The following CNOT3 variants were observed in gnomAD, a reference collection of about 807,000 sequenced individuals.
The protein encoded by CNOT3 is CCR4-associated factor 3.
In CNOT3, 2 loss-of-function variants were observed where a neutral mutation model predicts 89.4. The ratio of observed to expected loss-of-function variants is 0.02; its 90% confidence interval spans 0.01 to 0.07. The LOEUF is 0.07. Among genes scored for constraint, CNOT3 ranks in the 10% least tolerant of loss-of-function variants. The pLI, the probability that CNOT3 is intolerant of heterozygous loss-of-function variation, is 1.00. For missense variants in CNOT3, 664 were observed against 1,010.2 expected (o/e 0.66, Z 4.65); for synonymous variants, 486 against 402.0 (o/e 1.21, Z -2.50).
intron 1 of CNOT3, chr19:54,142,534 C>T (rs1405562829): frequency 6.9e-6 from 2 of 291,920 alleles, no homozygotes; most frequent in African/African-American, 4.3e-5. Context: ...TGCCCAGCCC[C>T]TCTGAGTAGG....
chr19:54,143,492 A>C lies in CNOT3; in HGVS notation c.144A>C (p.Leu48=). The C allele has an allele frequency of 6.2e-7, 1 of 1,614,022 alleles. No homozygotes were observed. The highest frequency in any genetic ancestry group is 8.5e-7 in the Non-Finnish European group (1 of 1,180,012). ...ANQKEKYEAD[L]KKEIKKLQRL... ...AGAAAGAAAAGTATGAGGCTGACCTAAAGAAGGAGATTAAGAAGCTACAAG... is the reference window on the plus strand; with the variant it reads ...AGAAAGAAAAGTATGAGGCTGACCTCAAGAAGGAGATTAAGAAGCTACAAG... The change falls in exon 4 of 18, where the codon CTA becomes CTC. Residue 48 remains leucine, a synonymous_variant. Coordinates refer to ENST00000221232, the MANE Select transcript of CNOT3 (RefSeq NM_014516.4).
chr19:54,150,569 T>TGTCCAGGCTGTCCAGGAGGCAGTGTGCGC (rs2075021763), intron 13 of CNOT3, among the ~76,000 whole-genome samples: 1 of 137,500 alleles, frequency 7.3e-6, no homozygotes, highest in Non-Finnish European at 1.6e-5. Flanking sequence ...CCAGTGTGTA[T>TGTCCAGGCTGTCCAGGAGGCAGTGTGCGC]GCCCAGGCTG....
At chr19:54,143,603 T>C (rs2146570391) in intron 4 of CNOT3, 57 bp from the exon 5 acceptor site, 1 of 1,604,134 alleles carries the variant, frequency 6.2e-7, no homozygotes, top group Middle Eastern at 1.7e-4. Context: ...GAGAAGGAGC[T>C]GTGGGCCCCA....
At chr19:54,142,555 T>C in intron 1 of CNOT3, 1 of 310,762 alleles carries the variant, frequency 3.2e-6, no homozygotes, top group Non-Finnish European at 6.2e-6. Context: ...AAGTGTGATC[T>C]CCAGGGCTAA....
chr19:54,143,055 G>C (rs1330363945), intron 2 of CNOT3, 52 bp downstream of exon 2: 1 of 1,613,248 alleles, frequency 6.2e-7, no homozygotes, highest in Non-Finnish European at 8.5e-7. Flanking sequence ...CCTCTTCTGA[G>C]GACTGCTCTT....
In CNOT3 at chr19:54,145,063, C is replaced by T. The variant is rs1374974334; in HGVS notation, c.484-535C>T. On this transcript the variant is annotated intron_variant, in intron 7 of 17. Coordinates refer to ENST00000221232, the MANE Select transcript of CNOT3 (RefSeq NM_014516.4). The surrounding 1 kb of genome is among the most constrained non-coding windows in gnomAD (Gnocchi z 5.9). ...GCTAAGATGTTAAATCCTAAAGGGG[C>T]CTTGAGGGGAGGGCAGGAGCGAGGC... is the stretch of plus-strand genomic sequence containing the variant. Among the ~76,000 whole-genome samples, 1 of 151,948 alleles carries T rather than the reference C, an allele frequency of 6.6e-6. No homozygotes were observed. Among genetic ancestry groups the T allele is most frequent in the African/African-American group, 2.4e-5 (1 of 41,332 alleles).
At chr19:54,153,420 A>ATC (rs1568690735) in intron 16 of CNOT3, 1 of 767,964 alleles carries the variant, frequency 1.3e-6, no homozygotes, top group East Asian at 2.5e-5. Context: ...CTCCACCCTC[A>ATC]TCCCCACTTG....
intron 13 of CNOT3, among the ~76,000 whole-genome samples, chr19:54,150,550 A>G (rs2075018565): frequency 2.1e-5 from 2 of 96,456 alleles, no homozygotes; most frequent in African/African-American, 6.4e-5. Context: ...CGCAGCTTCC[A>G]TGGGGGGACC....
At chr19:54,147,649 C>T (rs1329360861) in intron 10 of CNOT3, among the ~76,000 whole-genome samples, 8 of 152,162 alleles carry the variant, frequency 5.3e-5, no homozygotes, top group Admixed American at 1.3e-4. Flanking sequence ...GCACATTTAC[C>T]CTCCCACCAC....
At position 54,145,850 on chromosome 19, in the gene CNOT3, G is replaced by A. The variant is rs765894239; in HGVS notation, c.703+33G>A. ...CCTGGGGCTGATCGTGGCACAGGAA[G>A]TGAGGGCCCAGAATGGGCTGTGTGA... On this transcript the variant is annotated intron_variant, in intron 8 of 17. Coordinates refer to ENST00000221232, the MANE Select transcript of CNOT3 (RefSeq NM_014516.4). The surrounding 1 kb of genome is among the most constrained non-coding windows in gnomAD (Gnocchi z 5.9). The A allele has an allele frequency of 2.5e-6, 4 of 1,609,394 alleles. No individual in the cohort carries two copies. The highest frequency in any genetic ancestry group is 3.4e-6 in the Non-Finnish European group (4 of 1,176,430).
At chr19:54,142,654 A>G in intron 1 of CNOT3, 1 of 549,510 alleles carries the variant, frequency 1.8e-6, no homozygotes, top group Non-Finnish European at 3.3e-6. Flanking sequence ...AAGGTACTCC[A>G]TGCTCTAGGA....
intron 17 of CNOT3, 108 bp downstream of exon 17, chr19:54,153,948 C>T (rs752500727): frequency 2.5e-5 from 36 of 1,415,516 alleles, no homozygotes; most frequent in South Asian, 1.2e-4. Flanking sequence ...TTTCAGCTGG[C>T]GCAGTCCCTC....
At chr19:54,143,924 GCT>G in intron 5 of CNOT3, 80 bp from the exon 6 acceptor site, 1 of 1,554,918 alleles carries the variant, frequency 6.4e-7, no homozygotes, top group Non-Finnish European at 8.7e-7. Flanking sequence ...GGGTCACGAG[GCT>G]CAGGTCGGAG....
chr19:54,151,071 G>A (rs1414869043), intron 13 of CNOT3, among the ~76,000 whole-genome samples: 6 of 152,182 alleles, frequency 3.9e-5, no homozygotes, highest in Non-Finnish European at 7.3e-5. Flanking sequence ...GATTACAGGT[G>A]TGAGCCACCG....
Position 54,148,437 on chromosome 19 carries a change from C to A in CNOT3, c.1184C>A (p.Pro395His). 1 of 1,569,612 alleles carries A rather than the reference C, an allele frequency of 6.4e-7. No homozygotes were observed. Among genetic ancestry groups the A allele is most frequent in the South Asian group, 1.2e-5 (1 of 83,240 alleles). ...CAGCCCCGGCCCCCCAGCGTCCAGCCTAGCGGAGGCGGAGGCGGCGGCAGC... is the reference window on the plus strand; with the variant it reads ...CAGCCCCGGCCCCCCAGCGTCCAGCATAGCGGAGGCGGAGGCGGCGGCAGC... ...TTQPRPPSVQ[P>H]SGGGGGGSGG... Residue 395 changes from proline to histidine, a missense_variant, in exon 11 of 18, where the codon CCT becomes CAT. This residue lies in a region of CNOT3 where 545 missense variants were observed against 566.2 expected (regional missense o/e 0.96). Transcript: ENST00000221232. This position sits in a 1 kb window ranked among gnomAD's most constrained non-coding sequence, Gnocchi z 6.3.
chr19:54,150,924 G>T (rs2075060085), intron 13 of CNOT3, among the ~76,000 whole-genome samples: 1 of 151,982 alleles, frequency 6.6e-6, no homozygotes, highest in Admixed American at 6.6e-5. Flanking sequence ...CTGAGTAGCT[G>T]GGATTACAGG....
In CNOT3 at chr19:54,142,986, A is replaced by C. The variant is rs2074514368; in HGVS notation, c.8A>C (p.Asp3Ala). Residue 3 changes from aspartate to alanine, a missense_variant, in exon 2 of 18, where the codon GAC (aspartate) becomes GCC (alanine). Physicochemically the swap from Asp to Ala is moderately radical, Grantham distance 126. Coordinates refer to ENST00000221232, the MANE Select transcript of CNOT3 (RefSeq NM_014516.4). The part of the protein sequence containing the change: MA[D>A]KRKLQGEIDR... Reference sequence around the variant, plus strand: ...GTCTGTAGGGCAGGGAAGATGGCGGACAAGCGCAAACTCCAAGGTACTAGA... The same window carrying C: ...GTCTGTAGGGCAGGGAAGATGGCGGCCAAGCGCAAACTCCAAGGTACTAGA... 6.2e-7 allele frequency: 1 copy of C among 1,613,960 alleles called. No homozygotes were observed. The highest frequency in any genetic ancestry group is 1.3e-5 in the African/African-American group (1 of 74,920).
At chr19:54,138,489 C>T (rs1038743060) in intron 1 of CNOT3, among the ~76,000 whole-genome samples, 4 of 152,122 alleles carry the variant, frequency 2.6e-5, no homozygotes, top group Admixed American at 6.5e-5. Context: ...CGGGGCTTCT[C>T]CCTCGACGGT....
intron 17 of CNOT3, chr19:54,154,076 C>T (rs1270195293): frequency 1.4e-6 from 1 of 708,628 alleles, no homozygotes; most frequent in Non-Finnish European, 2.6e-6. Context: ...GTCCCTTCCT[C>T]AAAGAAACCT....
Sources: allele counts gnomAD v4.1 joint callset (sites outside exome capture counted in the v4.1 genomes callset), GRCh38; gene constraint gnomAD v4.1.1; regional missense constraint gnomAD v4.1.1; non-coding constraint Gnocchi (gnomAD v3.1); transcripts MANE v1.5; gene names NCBI Gene and HGNC (gene_info 2026-07-23, HGNC 2026-07-21).